WDFY4: variants seen among roughly 807,000 people sequenced by gnomAD.
The protein encoded by WDFY4 is WD repeat- and FYVE domain-containing protein 4.
Under a neutral mutation model 351.9 loss-of-function variants are expected in WDFY4, and 169 were observed. The observed-to-expected ratio is 0.48, with a 90% CI of 0.42 to 0.55. The LOEUF is 0.55. Among genes scored for constraint, WDFY4 ranks in the 20% least tolerant of loss-of-function variants. The pLI is 0.00. For missense variants in WDFY4, 3,803 were observed against 3,935.6 expected, an observed-to-expected ratio of 0.97 and a Z score of 0.90; for synonymous variants, 1,622 against 1,574.6, an observed-to-expected ratio of 1.03 and a Z score of -0.71.
intron 33 of WDFY4, 49 bp from the exon 34 acceptor site, chr10:48,821,013 C>A: frequency 7.3e-7 from 1 of 1,362,628 alleles, no homozygotes; most frequent in Non-Finnish European, 1.0e-6. Context: ...GCACTGGGTG[C>A]ACACGATGGC....
At chr10:48,755,678 A>G (rs1172913698) in intron 12 of WDFY4, among the ~76,000 whole-genome samples, 1 of 152,166 alleles carries the variant, frequency 6.6e-6, no homozygotes, top group African/African-American at 2.4e-5. Context: ...CCATATTTAT[A>G]TATGTCTTTG....
At position 48,957,202 on chromosome 10, in the gene WDFY4, A is replaced by G; in HGVS notation, c.8051A>G (p.Asn2684Ser). 3 of 1,551,694 alleles carry G rather than the reference A, an allele frequency of 1.9e-6. No individual in the cohort carries two copies. Among genetic ancestry groups the G allele is most frequent in the Non-Finnish European group, 2.6e-6 (3 of 1,146,986 alleles). ...KSTWESASRE[N>S]MSDVRELTPE... ...ACGTGGGAGTCGGCCTCCAGAGAGA[A>G]CATGAGTGACGTCAGGGAGCTGACC... The change falls in exon 52 of 62, where the codon AAC becomes AGC. Residue 2684 changes from asparagine (N) to serine (S), a missense_variant. Asn to Ser is a conservative substitution (Grantham distance 46). Transcript: ENST00000325239.
At position 48,931,408 on chromosome 10, in the gene WDFY4, T is replaced by C. The variant is rs144684620; in HGVS notation, c.7587-10398T>C. ...GCAGCCCAAGGCAGCCGTTCCTGTT[T>C]CCCTCCAGAGGTACTCTATCAGAGC... On this transcript the variant is annotated intron_variant, in intron 47 of 61. Transcript: ENST00000325239. Among the ~76,000 whole-genome samples, 7 of 152,224 alleles carry C rather than the reference T, an allele frequency of 4.6e-5. No homozygotes were observed. In the East Asian group the frequency reaches 1.2e-3, roughly 25 times the overall value.
chr10:48,705,491 G>A (rs909949757), intron 1 of WDFY4, among the ~76,000 whole-genome samples: 7 of 152,038 alleles, frequency 4.6e-5, no homozygotes, highest in African/African-American at 1.2e-4. Flanking sequence ...AGAATGAGAC[G>A]GATGAGAGTG....
chr10:48,814,163 T>G, intron 31 of WDFY4, 81 bp downstream of exon 31: 4 of 1,428,926 alleles, frequency 2.8e-6, no homozygotes, highest in Non-Finnish European at 3.7e-6. Flanking sequence ...GACTTTTCTC[T>G]TAGCATCTTC....
At chr10:48,884,807 T>A (rs1297378343) in intron 43 of WDFY4, among the ~76,000 whole-genome samples, 1 of 152,192 alleles carries the variant, frequency 6.6e-6, no homozygotes, top group Non-Finnish European at 1.5e-5. Context: ...CGCTGCCGCC[T>A]CTTCCATCTC....
At chr10:48,685,338 G>A (rs964754254) in intron 1 of WDFY4, among the ~76,000 whole-genome samples, 1 of 152,208 alleles carries the variant, frequency 6.6e-6, no homozygotes, top group Non-Finnish European at 1.5e-5. Context: ...CTGCTATGAA[G>A]GGAACCCTGG....
Position 48,854,974 on chromosome 10 carries a change from C to T in WDFY4, c.6664-12291C>T, listed in dbSNP as rs557608205. On this transcript the variant is annotated intron_variant, in intron 39 of 61. Coordinates refer to ENST00000325239, the MANE Select transcript of WDFY4 (RefSeq NM_001394531.1). ...AGTCAAATTTTTCAGCATTTTATGT[C>T]ACTTGTAATGCTCATAATGATTGTT... Among the ~76,000 whole-genome samples the T allele has an allele frequency of 9.0e-4, 137 of 152,166 alleles. 1 individual carries two copies. The highest frequency in any genetic ancestry group is 1.5e-3 in the Non-Finnish European group (105 of 68,014).
chr10:48,852,131 A>T (rs891741453), intron 39 of WDFY4, among the ~76,000 whole-genome samples: 1 of 152,120 alleles, frequency 6.6e-6, no homozygotes, highest in Admixed American at 6.5e-5. Flanking sequence ...ACCTGACCCA[A>T]ATCTCCTTCC....
rs115389261 is a variant in WDFY4 at position 48,979,486 on chromosome 10, C to A, written c.9376+1093C>A. ...AAGCTATTGGGGCCCAGTAAGCTAA[C>A]GGCATTAGCTAAGCCTACGGTTGAT... On this transcript the variant is annotated intron_variant, in intron 60 of 61. Coordinates refer to ENST00000325239, the MANE Select transcript of WDFY4 (RefSeq NM_001394531.1). Among the ~76,000 whole-genome samples, 10 of 152,186 alleles carry A rather than the reference C, an allele frequency of 6.6e-5. No homozygotes were observed. The South Asian group carries it at 1.9e-3, about 28-fold the overall frequency.
chr10:48,854,088 T>G (rs2928399), intron 39 of WDFY4, among the ~76,000 whole-genome samples: 9,895 of 151,860 alleles, frequency 0.065, 723 homozygotes, highest in African/African-American at 0.18. Flanking sequence ...AGTGCTAATT[T>G]TAATTTTTAG....
chr10:48,929,333 C>T (rs1197392772), intron 47 of WDFY4, among the ~76,000 whole-genome samples: 1 of 152,174 alleles, frequency 6.6e-6, no homozygotes, highest in South Asian at 2.1e-4. Context: ...GAGGCTGGTA[C>T]CAGGCATGGG....
chr10:48,978,265 C>A, intron 59 of WDFY4, 44 bp from the exon 60 acceptor site: 1 of 1,537,438 alleles, frequency 6.5e-7, no homozygotes, highest in South Asian at 1.2e-5. Flanking sequence ...AGCTTGCAGA[C>A]AGGATCGTCT....
intron 1 of WDFY4, among the ~76,000 whole-genome samples, chr10:48,700,010 A>C (rs1285982226): frequency 6.6e-6 from 1 of 152,208 alleles, no homozygotes; most frequent in African/African-American, 2.4e-5. Context: ...GCTGGGGTTC[A>C]GAAATCTGGT....
At chr10:48,932,713 C>T (rs938403767) in intron 47 of WDFY4, 1 of 151,480 alleles carries the variant, frequency 6.6e-6, no homozygotes, top group Admixed American at 6.6e-5. Context: ...TGTAAATGCT[C>T]TGCAAATAAT....
At chr10:48,946,274 G>A (rs1290197534) in intron 50 of WDFY4, 117 bp downstream of exon 50, 10 of 792,600 alleles carry the variant, frequency 1.3e-5, no homozygotes, top group African/African-American at 1.8e-5. Flanking sequence ...TTGAATAGAG[G>A]ACTCTAACCT....
intron 35 of WDFY4, among the ~76,000 whole-genome samples, chr10:48,825,295 C>A (rs1403336473): frequency 6.6e-6 from 1 of 152,186 alleles, no homozygotes; most frequent in African/African-American, 2.4e-5. Context: ...TGATCTCATT[C>A]CTTTTTATGG....
chr10:48,848,549 C>A (rs774301835), intron 39 of WDFY4, among the ~76,000 whole-genome samples: 10 of 152,036 alleles, frequency 6.6e-5, no homozygotes, highest in African/African-American at 2.4e-5. Context: ...TAATCCTGAC[C>A]CCTGGGGTAT....
At chr10:48,720,858 G>A (rs1006021643) in intron 3 of WDFY4, among the ~76,000 whole-genome samples, 11 of 152,208 alleles carry the variant, frequency 7.2e-5, no homozygotes, top group African/African-American at 2.4e-4. Context: ...GCTGAGGGCC[G>A]AGGGTCAGGA....
Sources: gnomAD v4.1 joint callset for allele counts (sites outside exome capture counted in the v4.1 genomes callset) on GRCh38, gnomAD v4.1.1 for gene constraint, MANE v1.5 for transcripts, NCBI Gene and HGNC (gene_info 2026-07-23, HGNC 2026-07-21) for gene names.